MACROD2: variants seen among roughly 807,000 people sequenced by gnomAD.
The protein encoded by MACROD2 is mono-ADP ribosylhydrolase 2.
In MACROD2, 36 loss-of-function variants were observed where a neutral mutation model predicts 70.4. That is an observed-to-expected ratio of 0.51 (90% CI 0.39 to 0.68). The LOEUF (loss-of-function observed/expected upper bound fraction) is 0.68, where lower values mean the gene tolerates loss of function less well. Ranked by LOEUF, MACROD2 falls within the 30% of genes least tolerant of loss-of-function variation. MACROD2 has a pLI of 0.00. For synonymous variants in MACROD2, 172 were observed against 178.8 expected, an observed-to-expected ratio of 0.96 and a Z score of 0.30; for missense variants, 496 against 538.4, an observed-to-expected ratio of 0.92 and a Z score of 0.78.
chr20:14,031,065 A>G (rs1249103242), intron 2 of MACROD2, among the ~76,000 whole-genome samples: 1 of 152,236 alleles, frequency 6.6e-6, no homozygotes, highest in East Asian at 1.9e-4. Flanking sequence ...TTGGCTATAT[A>G]TAACTTGCTA....
At chr20:15,854,234 G>A (rs1040613791) in intron 8 of MACROD2, among the ~76,000 whole-genome samples, 2 of 152,048 alleles carry the variant, frequency 1.3e-5, no homozygotes, top group African/African-American at 4.8e-5. Flanking sequence ...TAGAAGGAAC[G>A]TAGAGGTGGG....
chr20:15,208,009 T>A (rs1601228759), intron 5 of MACROD2, among the ~76,000 whole-genome samples: 2 of 152,314 alleles, frequency 1.3e-5, no homozygotes, highest in East Asian at 3.9e-4. Flanking sequence ...TAGCCCCACT[T>A]TCTTTCTGTT....
At chr20:14,032,220 C>T (rs1173880614) in intron 2 of MACROD2, among the ~76,000 whole-genome samples, 1 of 151,710 alleles carries the variant, frequency 6.6e-6, no homozygotes, top group Non-Finnish European at 1.5e-5. Flanking sequence ...ATTATTTTGT[C>T]TTTAATGAAC....
Position 14,140,687 on chromosome 20 carries a change from G to A in MACROD2, c.271+54959G>A, listed in dbSNP as rs143690060. ...GTGTACCTCAGCTCCAGCTGCTGCC[G>A]AATGACTTCCAACCAACACCTGTGG... On this transcript the variant is annotated intron_variant, in intron 3 of 17. Coordinates refer to ENST00000684519, the MANE Select transcript of MACROD2 (RefSeq NM_001351661.2). Among the ~76,000 whole-genome samples, 300 of 152,160 alleles carry A rather than the reference G, an allele frequency of 2.0e-3. 1 individual carries two copies. The highest frequency in any genetic ancestry group is 6.9e-3 in the African/African-American group (285 of 41,510).
At chr20:15,805,740 T>C (rs1261556709) in intron 8 of MACROD2, among the ~76,000 whole-genome samples, 1 of 152,058 alleles carries the variant, frequency 6.6e-6, no homozygotes. Context: ...CCTCCCAGAG[T>C]GCTGGGATTA....
rs77870710 is a variant in MACROD2 at position 15,027,188 on chromosome 20, T to G, written c.419-202752T>G. ...TTTACTTTCATCTTTATATGTTTAA[T>G]TGGGTTAAAAAATGTTTCTCAGGAA... is the stretch of plus-strand genomic sequence containing the variant. On this transcript the variant is annotated intron_variant, in intron 5 of 17. Transcript: ENST00000684519. Among the ~76,000 whole-genome samples, 961 of 152,282 alleles carry G rather than the reference T, an allele frequency of 6.3e-3. 16 individuals are homozygous for G. Among genetic ancestry groups the G allele is most frequent in the African/African-American group, 0.022 (917 of 41,552 alleles).
At chr20:15,406,249 CT>C (rs1315445789) in intron 6 of MACROD2, among the ~76,000 whole-genome samples, 2 of 152,188 alleles carry the variant, frequency 1.3e-5, no homozygotes, top group East Asian at 3.8e-4. Context: ...GATTACCGTG[CT>C]CAGGGAAAGT....
At chr20:15,292,291 C>G (rs2077547453) in intron 6 of MACROD2, among the ~76,000 whole-genome samples, 1 of 151,958 alleles carries the variant, frequency 6.6e-6, no homozygotes, top group Non-Finnish European at 1.5e-5. Flanking sequence ...CTTATCTAAT[C>G]TATAAAAAAA....
chr20:15,354,391 C>T (rs920871634), intron 6 of MACROD2, among the ~76,000 whole-genome samples: 7 of 152,018 alleles, frequency 4.6e-5, no homozygotes, highest in Admixed American at 6.6e-5. Context: ...AGGAGATATA[C>T]CTAATGTTAA....
intron 6 of MACROD2, among the ~76,000 whole-genome samples, chr20:15,234,013 T>TATATA (rs1568657569): frequency 3.5e-4 from 3 of 8,668 alleles, no homozygotes; most frequent in Non-Finnish European, 4.7e-4. Context: ...ATATATATTC[T>TATATA]TTTTTTTTTT....
chr20:15,829,189 G>A (rs1265563097), intron 8 of MACROD2, among the ~76,000 whole-genome samples: 3 of 151,950 alleles, frequency 2.0e-5, no homozygotes, highest in South Asian at 2.1e-4. Context: ...TCCTCAAAAA[G>A]CATTCCTAGA....
chr20:15,341,510 AAAGT>A (rs1181004115), intron 6 of MACROD2, among the ~76,000 whole-genome samples: 1 of 152,222 alleles, frequency 6.6e-6, no homozygotes, highest in East Asian at 1.9e-4. Context: ...AACTATGGTC[AAAGT>A]ATTGCCCTGA....
chr20:14,195,221 G>C (rs1167530334), intron 3 of MACROD2, among the ~76,000 whole-genome samples: 1 of 152,128 alleles, frequency 6.6e-6, no homozygotes, highest in African/African-American at 2.4e-5. Context: ...GATATAAAAA[G>C]AAAGTTGTCA....
At position 15,267,828 on chromosome 20, in the gene MACROD2, G is replaced by A. The variant is rs572695743; in HGVS notation, c.540+37767G>A. Among the ~76,000 whole-genome samples the A allele has an allele frequency of 2.5e-4, 38 of 152,312 alleles. 1 individual carries two copies. Among genetic ancestry groups the A allele is most frequent in the East Asian group, 7.7e-4 (4 of 5,174 alleles). Reference sequence around the variant, plus strand: ...AGGTGGGGAGGAGCCTGGCCTCTCCGGTTCCTGGGTGGACCTGGGATTCAA... The same window carrying A: ...AGGTGGGGAGGAGCCTGGCCTCTCCAGTTCCTGGGTGGACCTGGGATTCAA... On this transcript the variant is annotated intron_variant, in intron 6 of 17. Transcript: ENST00000684519.
intron 3 of MACROD2, among the ~76,000 whole-genome samples, chr20:14,108,972 C>T (rs1444368933): frequency 6.6e-6 from 1 of 152,012 alleles, no homozygotes; most frequent in African/African-American, 2.4e-5. Context: ...ACAGTCTTTT[C>T]CTCAGCACGT....
intron 5 of MACROD2, among the ~76,000 whole-genome samples, chr20:14,915,673 G>A (rs891673167): frequency 2.6e-5 from 4 of 152,198 alleles, no homozygotes; most frequent in African/African-American, 9.7e-5. Flanking sequence ...TGCACTGACA[G>A]CAAGCAGTCT....
At chr20:15,568,843 T>C (rs2048342187) in intron 8 of MACROD2, among the ~76,000 whole-genome samples, 1 of 152,212 alleles carries the variant, frequency 6.6e-6, no homozygotes, top group African/African-American at 2.4e-5. Context: ...GGGTATGATC[T>C]GTAAGTTATC....
In MACROD2 at chr20:15,359,262, G is replaced by T. The variant is rs78400871; in HGVS notation, c.541-72143G>T. On this transcript the variant is annotated intron_variant, in intron 6 of 17. Coordinates refer to ENST00000684519, the MANE Select transcript of MACROD2 (RefSeq NM_001351661.2). ...CTGACTCATTCATTCCACTGTACAT[G>T]CATTGATGACTTGATCTTATGAATC... Among the ~76,000 whole-genome samples the T allele has an allele frequency of 9.5e-3, 1,440 of 151,870 alleles. 24 individuals carry two copies. The highest frequency in any genetic ancestry group is 0.033 in the African/African-American group (1,367 of 41,446).
At chr20:15,898,566 A>AAC (rs1555792326) in intron 10 of MACROD2, among the ~76,000 whole-genome samples, 6 of 151,406 alleles carry the variant, frequency 4.0e-5, no homozygotes, top group Middle Eastern at 3.4e-3. Flanking sequence ...AAAAAAAAAA[A>AAC]AAAACAAATT....
Sources: allele counts gnomAD v4.1 joint callset (sites outside exome capture counted in the v4.1 genomes callset), GRCh38; gene constraint gnomAD v4.1.1; transcripts MANE v1.5; gene names NCBI Gene and HGNC (gene_info 2026-07-23, HGNC 2026-07-21).